Variants in C3orf22 observed in about 807,000 individuals in gnomAD.
C3orf22 encodes the protein chromosome 3 open reading frame 22, also known as uncharacterized protein C3orf22.
A neutral mutation model predicts 10.8 loss-of-function variants in C3orf22; 7 were observed. The observed-to-expected ratio is 0.65, with a 90% CI of 0.37 to 1.22. The LOEUF (loss-of-function observed/expected upper bound fraction) is 1.22, where lower values mean the gene tolerates loss of function less well. C3orf22 is among the 50% of genes most tolerant of loss of function. The pLI, the probability that C3orf22 is intolerant of heterozygous loss-of-function variation, is 0.02. For missense variants in C3orf22, 173 were observed against 177.0 expected (o/e 0.98, Z 0.13); for synonymous variants, 79 against 78.9 (o/e 1.00, Z 0.00).
intron 4 of C3orf22, chr3:126,542,662 A>C: frequency 7.3e-7 from 1 of 1,377,176 alleles, no homozygotes; most frequent in Non-Finnish European, 9.4e-7. Flanking sequence ...CGGCCCCAGG[A>C]CCCCTCTTCA....
At chr3:126,538,731 A>C (rs1936856452) in intron 4 of C3orf22, among the ~76,000 whole-genome samples, 2 of 152,280 alleles carry the variant, frequency 1.3e-5, no homozygotes, top group Admixed American at 6.5e-5. Flanking sequence ...CTGACGGTGG[A>C]AACAGGGTCT....
chr3:126,553,907 G>A (rs1015145484), intron 1 of C3orf22, among the ~76,000 whole-genome samples: 1 of 152,162 alleles, frequency 6.6e-6, no homozygotes, highest in African/African-American at 2.4e-5. Context: ...CTCCAGCTTG[G>A]GGCACTTACA....
At chr3:126,545,970 C>T (rs192303448), downstream of C3orf22, among the ~76,000 whole-genome samples, 2 of 152,264 alleles carry the variant, frequency 1.3e-5, no homozygotes, top group East Asian at 3.9e-4. Context: ...TCAAGTATCC[C>T]AATGTCAAAG....
intron 1 of C3orf22, among the ~76,000 whole-genome samples, chr3:126,557,126 T>C (rs1365302595): frequency 3.3e-5 from 5 of 151,820 alleles, no homozygotes; most frequent in African/African-American, 1.2e-4. Flanking sequence ...ACAGACACTC[T>C]TACAGACTCA....
intron 4 of C3orf22, chr3:126,536,276 G>A: frequency 6.2e-7 from 1 of 1,613,640 alleles, no homozygotes; most frequent in South Asian, 1.1e-5. Flanking sequence ...CACAGCATTT[G>A]GAAACAGAGC....
chr3:126,527,476 A>AGG (rs1936559062), exon 6 of C3orf22: 1 of 152,282 alleles, frequency 6.6e-6, no homozygotes, highest in South Asian at 2.1e-4. Context: ...AAAGCTAGAG[A>AGG]GGGTTCCTTT....
intron 4 of C3orf22, chr3:126,529,387 A>AG (rs1936603011): frequency 1.6e-6 from 2 of 1,289,130 alleles, no homozygotes; most frequent in Non-Finnish European, 2.0e-6. Flanking sequence ...GGATGCCGCA[A>AG]GGGGGGACAG....
intron 4 of C3orf22, chr3:126,541,743 C>G: frequency 1.3e-6 from 2 of 1,484,630 alleles, no homozygotes; most frequent in South Asian, 1.3e-5. Context: ...GACCCGCGCT[C>G]GACCCTGGCG....
downstream of C3orf22, among the ~76,000 whole-genome samples, chr3:126,547,675 T>C (rs997819876): frequency 2.0e-5 from 3 of 152,102 alleles, no homozygotes; most frequent in East Asian, 1.9e-4. Flanking sequence ...AGAGGGAACC[T>C]GGAGAGGCTG....
At chr3:126,541,933 G>A in intron 4 of C3orf22, 2 of 1,593,290 alleles carry the variant, frequency 1.3e-6, no homozygotes, top group South Asian at 2.3e-5. Flanking sequence ...TGCTGGCGCT[G>A]AGCGGCCAAG....
chr3:126,540,036 A>G (rs915793941), intron 4 of C3orf22, among the ~76,000 whole-genome samples: 1 of 148,658 alleles, frequency 6.7e-6, no homozygotes, highest in African/African-American at 2.5e-5. Context: ...CACGCACACC[A>G]CACACCACAC....
At chr3:126,539,959 C>CCA (rs926386588) in intron 4 of C3orf22, among the ~76,000 whole-genome samples, 2 of 32,912 alleles carry the variant, frequency 6.1e-5, no homozygotes, top group East Asian at 8.0e-4. Flanking sequence ...GCCACACATG[C>CCA]CACACACACA....
intron 4 of C3orf22, among the ~76,000 whole-genome samples, chr3:126,544,391 GCT>G (rs1451701242): frequency 6.6e-6 from 1 of 152,222 alleles, no homozygotes; most frequent in East Asian, 1.9e-4. Flanking sequence ...AGTTTCAGGA[GCT>G]CTGTTACAAG....
At chr3:126,530,229 T>C (rs1936625781) in intron 4 of C3orf22, among the ~76,000 whole-genome samples, 1 of 152,236 alleles carries the variant, frequency 6.6e-6, no homozygotes, top group Non-Finnish European at 1.5e-5. Context: ...CCCAGCCCTG[T>C]AATCACTGGC....
chr3:126,541,975 A>T (rs886646066), intron 4 of C3orf22: 1 of 1,578,456 alleles, frequency 6.3e-7, no homozygotes, highest in African/African-American at 1.4e-5. Context: ...TCTCCGCGCA[A>T]GAGGCGCACG....
At chr3:126,540,469 T>A (rs1936935234) in intron 4 of C3orf22, among the ~76,000 whole-genome samples, 2 of 152,216 alleles carry the variant, frequency 1.3e-5, no homozygotes, top group African/African-American at 4.8e-5. Flanking sequence ...GGGACCTCAC[T>A]AAGTGGGACT....
At chr3:126,528,666 G>C (rs1936584008) in intron 5 of C3orf22, among the ~76,000 whole-genome samples, 1 of 152,162 alleles carries the variant, frequency 6.6e-6, no homozygotes, top group South Asian at 2.1e-4. Context: ...GGGTTCTGGA[G>C]GCACAGCCGA....
chr3:126,547,443 C>T (rs1937087076), downstream of C3orf22, among the ~76,000 whole-genome samples: 1 of 152,220 alleles, frequency 6.6e-6, no homozygotes, highest in African/African-American at 2.4e-5. Flanking sequence ...AAACACATCC[C>T]AGCTGCCCTC....
rs183734571 is a variant in C3orf22 at position 126,552,018 on chromosome 3, G to A, written c.194C>T (p.Thr65Met). Residue 65 changes from threonine (T) to methionine (M), a missense_variant, in exon 3 of 4, where the codon ACG (threonine) becomes ATG (methionine). Physicochemically the swap from Thr to Met is moderately conservative, Grantham distance 81. Coordinates refer to ENST00000318225, the MANE Select transcript of C3orf22 (RefSeq NM_152533.3). ...TTACCCTCGGACTGGGATGGACCTC[G>A]TTGGCACCAACCTCTTCTGCAGGGG... ...QLPLQKRLVP[T>M]RSIPVRGLGA... 3.8e-5 allele frequency: 61 copies of A among 1,612,992 alleles called. No homozygotes were observed. In the East Asian group the frequency reaches 5.4e-4, roughly 14 times the overall value.
Sources: allele counts gnomAD v4.1 joint callset (sites outside exome capture counted in the v4.1 genomes callset), GRCh38; gene constraint gnomAD v4.1.1; transcripts MANE v1.5; gene names NCBI Gene and HGNC (gene_info 2026-07-23, HGNC 2026-07-21).